Variants in SYS1 observed in about 807,000 individuals in gnomAD.
SYS1 encodes protein SYS1 homolog.
A neutral mutation model predicts 17.8 loss-of-function variants in SYS1; 8 were observed. The observed-to-expected ratio is 0.45, with a 90% confidence interval of 0.26 to 0.81. The LOEUF (loss-of-function observed/expected upper bound fraction) is 0.81. Ranked by LOEUF, SYS1 falls within the 40% of genes least tolerant of loss-of-function variation. SYS1 has a pLI of 0.16. For synonymous variants in SYS1, 95 were observed against 90.9 expected (o/e 1.05, Z -0.26); for missense variants, 161 against 203.9 (o/e 0.79, Z 1.28).
chr20:45,373,786 G>C, downstream of SYS1: 4 of 922,784 alleles, frequency 4.3e-6, no homozygotes, highest in South Asian at 5.8e-5. Flanking sequence ...GGTGGGGGTG[G>C]GGGAAGCCTG....
chr20:45,374,799 G>A (rs1988671183), exon 4 of SYS1: 1 of 555,170 alleles, frequency 1.8e-6, no homozygotes, highest in Non-Finnish European at 3.1e-6. Context: ...TCACTTCAGT[G>A]CCCCTCCTTC....
At chr20:45,365,373 TC>T in intron 2 of SYS1, 1 of 594,930 alleles carries the variant, frequency 1.7e-6, no homozygotes, top group Non-Finnish European at 3.1e-6. Flanking sequence ...ACTTAACTTG[TC>T]TGAGTTTTTA....
exon 4 of SYS1, chr20:45,375,619 T>C: frequency 2.0e-6 from 3 of 1,535,412 alleles, no homozygotes; most frequent in Non-Finnish European, 2.6e-6. Flanking sequence ...ACAGTTGCTA[T>C]GTAGCCAGCT....
At chr20:45,364,751 G>A (rs1600745136) in intron 2 of SYS1, among the ~76,000 whole-genome samples, 1 of 152,256 alleles carries the variant, frequency 6.6e-6, no homozygotes, top group East Asian at 1.9e-4. Flanking sequence ...GATTACAGGC[G>A]TGAGCCACCG....
At chr20:45,366,770 C>T (rs6032142) in intron 3 of SYS1, 105 bp from the exon 4 acceptor site, 564,665 of 919,420 alleles carry the variant, frequency 0.61, 178,130 homozygotes, top group African/African-American at 0.74. Flanking sequence ...ACACTTATCT[C>T]GTCACTTCTG....
At position 45,368,565 on chromosome 20, in the gene SYS1, C is replaced by CT; in HGVS notation, c.*1451dup. 1 of 985,396 alleles carries CT rather than the reference C, an allele frequency of 1.0e-6. No individual in the cohort carries two copies. Among genetic ancestry groups the CT allele is most frequent in the Non-Finnish European group, 1.2e-6 (1 of 829,916 alleles). 61.0% of individuals were successfully genotyped at this position (985,396 alleles called of 1,614,324 possible). ...TCATCTGACCTCCTGACTCTCAGCC[C>CT]TACAGAGTAGGGAGTTGATGCTGAC... On this transcript the variant is annotated 3_prime_UTR_variant, in exon 4 of 4. Transcript: ENST00000243918.
At chr20:45,362,541 T>A (rs565351220), upstream of SYS1, among the ~76,000 whole-genome samples, 1 of 152,176 alleles carries the variant, frequency 6.6e-6, no homozygotes, top group South Asian at 2.1e-4. Context: ...TAATTTTGTA[T>A]TTTTAGCAGA....
chr20:45,365,388 C>A, intron 2 of SYS1: 1 of 630,718 alleles, frequency 1.6e-6, no homozygotes, highest in Non-Finnish European at 2.9e-6. Flanking sequence ...GTTTTTACGT[C>A]CTCCTTTGTA....
chr20:45,367,185 A>T lies in SYS1; in HGVS notation c.*70A>T. ...ACCTTGGGCTGCTCAGACCCTCCAG[A>T]TGAGGTCCAGCCCAGATCTGAGAGG... On this transcript the variant is annotated 3_prime_UTR_variant, in exon 4 of 4. Transcript: ENST00000243918. 1 of 1,586,548 alleles carries T rather than the reference A, an allele frequency of 6.3e-7. No individual in the cohort carries two copies. The highest frequency in any genetic ancestry group is 8.6e-7 in the Non-Finnish European group (1 of 1,164,442).
chr20:45,366,862 C>T lies in SYS1; in HGVS notation c.231-13C>T. The T allele has an allele frequency of 1.2e-6, 2 of 1,612,052 alleles. No individual in the cohort carries two copies. The highest frequency in any genetic ancestry group is 2.2e-5 in the South Asian group (2 of 91,016). ...CAACCCAGTGACAACTCACTGCTGT[C>T]CTCTCCCCACAGTGCCCTGGGCTTG... On this transcript the variant is annotated splice_polypyrimidine_tract_variant and intron_variant, in intron 3 of 3. Coordinates refer to ENST00000243918, the MANE Select transcript of SYS1 (RefSeq NM_033542.4).
chr20:45,368,816 CTT>C lies in SYS1; in HGVS notation c.*1703_*1704del. On this transcript the variant is annotated 3_prime_UTR_variant, in exon 4 of 4. Transcript: ENST00000243918. ...ACACAAACTGCAGGCATGTGACTAA[CTT>C]TGAAAGAACACCCATCATGTGGCTG... 1.0e-6 allele frequency: 1 copy of C among 985,436 alleles called. No individual in the cohort carries two copies. The highest frequency in any genetic ancestry group is 1.2e-6 in the Non-Finnish European group (1 of 829,940). The allele number at this position is 985,436 out of a possible 1,614,324, so 61.0% of individuals were successfully genotyped here.
downstream of SYS1, chr20:45,369,230 C>A (rs1988506762): frequency 6.6e-6 from 1 of 152,114 alleles, no homozygotes; most frequent in Admixed American, 6.6e-5. Flanking sequence ...GCAGTGTGGG[C>A]TGAGTGCTTT....
At chr20:45,362,152 T>C, upstream of SYS1, 2 of 452,650 alleles carry the variant, frequency 4.4e-6, no homozygotes, top group South Asian at 1.9e-4. Context: ...AGGGTCAGGA[T>C]TTACTCCTAT....
At chr20:45,362,977 G>T (rs1288041440), upstream of SYS1, 4 of 428,002 alleles carry the variant, frequency 9.3e-6, no homozygotes, top group South Asian at 1.9e-4. Context: ...TCTAGAGGGC[G>T]CGCAAGCTCT....
rs1036857741 is a variant in SYS1, at chr20:45,366,978, C to T, written c.334C>T (p.Arg112Cys). 4.3e-6 allele frequency: 7 copies of T among 1,614,198 alleles called. No homozygotes were observed. Among genetic ancestry groups the T allele is most frequent in the Non-Finnish European group, 5.9e-6 (7 of 1,180,036 alleles). The change falls in exon 4 of 4, where the codon CGT becomes TGT. Residue 112 changes from arginine to cysteine, a missense_variant. Coordinates refer to ENST00000243918, the MANE Select transcript of SYS1 (RefSeq NM_033542.4). ...HLLGCWFYSSRFPSALTWWLV... is the reference protein window; with the variant it reads ...HLLGCWFYSSCFPSALTWWLV... ...CCTGGGCTGCTGGTTCTACAGCTCCCGTTTCCCCTCGGCGCTGACCTGGTG... is the reference window on the plus strand; with the variant it reads ...CCTGGGCTGCTGGTTCTACAGCTCCTGTTTCCCCTCGGCGCTGACCTGGTG...
At chr20:45,364,928 A>T (rs1031415769) in intron 2 of SYS1, among the ~76,000 whole-genome samples, 4 of 152,224 alleles carry the variant, frequency 2.6e-5, no homozygotes, top group Non-Finnish European at 5.9e-5. Flanking sequence ...ATATGAGATT[A>T]TGTATGTCAA....
At chr20:45,373,812 C>T, downstream of SYS1, 1 of 1,229,128 alleles carries the variant, frequency 8.1e-7, no homozygotes, top group Non-Finnish European at 1.2e-6. Context: ...GCGACACAGG[C>T]TCCCTCTACC....
downstream of SYS1, among the ~76,000 whole-genome samples, chr20:45,372,279 C>G (rs1000369573): frequency 6.6e-6 from 1 of 152,238 alleles, no homozygotes; most frequent in African/African-American, 2.4e-5. Flanking sequence ...GCTGCCCTGG[C>G]CATGCTGGGT....
At chr20:45,374,188 C>T (rs540422129), downstream of SYS1, 54 of 672,104 alleles carry the variant, frequency 8.0e-5, no homozygotes, top group Non-Finnish European at 1.3e-4. Context: ...CCCTTCCTTT[C>T]GTGGGACTTT....
Sources: allele counts gnomAD v4.1 joint callset (sites outside exome capture counted in the v4.1 genomes callset), GRCh38; gene constraint gnomAD v4.1.1; transcripts MANE v1.5; gene names NCBI Gene and HGNC (gene_info 2026-07-23, HGNC 2026-07-21).